Variants in SENP2 observed in about 807,000 individuals in gnomAD.
SENP2 encodes the protein SUMO specific peptidase 2.
SENP2 carries 16 observed loss-of-function variants against 86.3 expected under a neutral mutation model. The ratio of observed to expected loss-of-function variants is 0.19; its 90% CI spans 0.13 to 0.28. The LOEUF (loss-of-function observed/expected upper bound fraction) is 0.28, where lower values mean the gene tolerates loss of function less well. Among genes scored for constraint, SENP2 ranks in the 10% least tolerant of loss-of-function variants. The pLI is 1.00. For missense variants in SENP2, 552 were observed against 703.0 expected, an observed-to-expected ratio of 0.79 and a Z score of 2.43; for synonymous variants, 222 against 238.7, an observed-to-expected ratio of 0.93 and a Z score of 0.64.
chr3:185,625,667 C>A (rs1450511787), intron 15 of SENP2, among the ~76,000 whole-genome samples: 1 of 152,152 alleles, frequency 6.6e-6, no homozygotes, highest in African/African-American at 2.4e-5. Flanking sequence ...CAGAACTGAT[C>A]CATCAAGGCA....
rs71627028 is a variant in SENP2 at position 185,632,237 on chromosome 3, G to GTTTTTTTTTTTTTTTTTTTTTTTTTTTT, written c.*2411_*2412insTTTTTTTTTTTTTTTTTTTTTTTTTTTT. The GTTTTTTTTTTTTTTTTTTTTTTTTTTTT allele has an allele frequency of 2.2e-4, 14 of 63,454 alleles. No homozygotes were observed. Among genetic ancestry groups the GTTTTTTTTTTTTTTTTTTTTTTTTTTTT allele is most frequent in the African/African-American group, 4.8e-4 (7 of 14,516 alleles). The allele number at this position is 63,454 out of a possible 1,614,324, so 3.9% of individuals were successfully genotyped here. On this transcript the variant is annotated 3_prime_UTR_variant, in exon 17 of 17. Transcript: ENST00000296257. ...GGTTTTTTTTTTGTTTTTTTTTTTT[G>GTTTTTTTTTTTTTTTTTTTTTTTTTTTT]TTTTTTTTTTTTTTTTTTGCGACAG...
chr3:185,599,078 T>C, intron 4 of SENP2, 54 bp downstream of exon 4: 1 of 1,288,244 alleles, frequency 7.8e-7, no homozygotes, highest in Non-Finnish European at 1.1e-6. Context: ...GCCCATTTTT[T>C]TCCTACATTT....
rs1721785374 is a variant in SENP2, at chr3:185,586,470, G to A, written c.57G>A (p.Ser19=). Reference sequence around the variant, plus strand: ...CCATTTTCCGTTTCTGCGACCGGTCGGTGCCCCCTGCCCGGGCCCTCCTGA... The same window carrying A: ...CCATTTTCCGTTTCTGCGACCGGTCAGTGCCCCCTGCCCGGGCCCTCCTGA... ...LGTIFRFCDR[S]VPPARALLKR... is the part of the protein sequence containing the mutation. Residue 19 remains serine (S), a synonymous_variant, in exon 1 of 17, where the codon TCG becomes TCA. Coordinates refer to ENST00000296257, the MANE Select transcript of SENP2 (RefSeq NM_021627.3). This position sits in a 1 kb window ranked among gnomAD's most constrained non-coding sequence, Gnocchi z 4.3. The A allele has an allele frequency of 6.2e-7, 1 of 1,613,804 alleles. No homozygotes were observed. Among genetic ancestry groups the A allele is most frequent in the South Asian group, 1.1e-5 (1 of 91,092 alleles).
intron 12 of SENP2, among the ~76,000 whole-genome samples, chr3:185,617,971 T>C (rs1711684935): frequency 6.6e-6 from 1 of 152,130 alleles, no homozygotes; most frequent in African/African-American, 2.4e-5. Context: ...TGAGACAGAG[T>C]TTTGCTCTTG....
At chr3:185,590,056 C>G (rs577378006) in intron 1 of SENP2, 58 bp from the exon 2 acceptor site, 202 of 969,248 alleles carry the variant, frequency 2.1e-4, no homozygotes, top group Middle Eastern at 3.2e-4. Context: ...AGTTTACTTA[C>G]AGAAATGAAT....
intron 1 of SENP2, among the ~76,000 whole-genome samples, chr3:185,587,783 G>C (rs1382905169): frequency 7.4e-6 from 1 of 134,962 alleles, no homozygotes. Flanking sequence ...TGCCCAGGCT[G>C]AAGTGCGGTG....
At chr3:185,600,065 G>C (rs1428224938) in intron 4 of SENP2, among the ~76,000 whole-genome samples, 1 of 152,130 alleles carries the variant, frequency 6.6e-6, no homozygotes, top group Non-Finnish European at 1.5e-5. Flanking sequence ...CCAAAGTGCT[G>C]GGATTACAGG....
At position 185,586,337 on chromosome 3, in the gene SENP2, G is replaced by C; in HGVS notation, c.-77G>C. 1 of 1,594,852 alleles carries C rather than the reference G, an allele frequency of 6.3e-7. No individual in the cohort carries two copies. Among genetic ancestry groups the C allele is most frequent in the South Asian group, 1.1e-5 (1 of 90,034 alleles). On this transcript the variant is annotated 5_prime_UTR_variant, in exon 1 of 17. Transcript: ENST00000296257. This position sits in a 1 kb window ranked among gnomAD's most constrained non-coding sequence, Gnocchi z 4.3. ...CTCTGGCGGTGGTGGTTAAGACGGC[G>C]AAGGCGGCAGCGGCGGCGACAGCTC...
At chr3:185,587,533 T>C (rs1332896682) in intron 1 of SENP2, among the ~76,000 whole-genome samples, 2 of 150,880 alleles carry the variant, frequency 1.3e-5, no homozygotes, top group Admixed American at 1.3e-4. Flanking sequence ...CTATACAAAT[T>C]CTATGCCCCC....
At chr3:185,588,207 G>A (rs1356687825) in intron 1 of SENP2, among the ~76,000 whole-genome samples, 1 of 151,144 alleles carries the variant, frequency 6.6e-6, no homozygotes, top group Non-Finnish European at 1.5e-5. Flanking sequence ...ACAGGCGCCC[G>A]CCACCACGCC....
At chr3:185,622,450 C>G (rs971471962) in intron 14 of SENP2, among the ~76,000 whole-genome samples, 12 of 152,178 alleles carry the variant, frequency 7.9e-5, no homozygotes, top group Non-Finnish European at 1.0e-4. Flanking sequence ...CTTTTCTGCT[C>G]ACTAGAAGCA....
chr3:185,612,452 C>A, intron 8 of SENP2, 155 bp from the exon 9 acceptor site: 1 of 564,338 alleles, frequency 1.8e-6, no homozygotes. Context: ...TTTTAGGCAA[C>A]TTAGTATATA....
At chr3:185,614,774 A>G in intron 11 of SENP2, 34 bp downstream of exon 11, 1 of 1,586,188 alleles carries the variant, frequency 6.3e-7, no homozygotes, top group Non-Finnish European at 8.6e-7. Context: ...AAAAAGAGGC[A>G]TGTCTTTAAA....
chr3:185,618,001 A>G (rs1711686582), intron 12 of SENP2, among the ~76,000 whole-genome samples: 1 of 152,042 alleles, frequency 6.6e-6, no homozygotes, highest in Admixed American at 6.6e-5. Context: ...CTGGAGTGCA[A>G]TGGCGCAATC....
intron 2 of SENP2, among the ~76,000 whole-genome samples, chr3:185,598,045 C>T (rs1238726889): frequency 3.3e-5 from 5 of 152,088 alleles, no homozygotes; most frequent in African/African-American, 4.8e-5. Context: ...CAGAGTCTCA[C>T]TCTGTTGCCC....
chr3:185,592,472 G>T (rs1289727892), intron 2 of SENP2, among the ~76,000 whole-genome samples: 1 of 152,012 alleles, frequency 6.6e-6, no homozygotes, highest in Non-Finnish European at 1.5e-5. Flanking sequence ...TATAAATTTG[G>T]GTCTACCTCC....
intron 16 of SENP2, among the ~76,000 whole-genome samples, chr3:185,628,362 C>G (rs1257104459): frequency 1.3e-5 from 2 of 152,286 alleles, no homozygotes. Flanking sequence ...GTCTTGAACT[C>G]CTGACCTCAG....
chr3:185,617,002 A>G (rs1196407917), intron 11 of SENP2, among the ~76,000 whole-genome samples: 2 of 152,194 alleles, frequency 1.3e-5, no homozygotes, highest in East Asian at 3.8e-4. Flanking sequence ...CAAGCATCTA[A>G]CACCATGTTT....
chr3:185,613,499 A>G, intron 10 of SENP2, 91 bp downstream of exon 10: 2 of 748,162 alleles, frequency 2.7e-6, no homozygotes, highest in Non-Finnish European at 2.2e-6. Context: ...GTATATATAT[A>G]TAACTTTGAT....
Sources: gnomAD v4.1 joint callset for allele counts (sites outside exome capture counted in the v4.1 genomes callset) on GRCh38, gnomAD v4.1.1 for gene constraint, Gnocchi (gnomAD v3.1) non-coding constraint, MANE v1.5 for transcripts, NCBI Gene and HGNC (gene_info 2026-07-23, HGNC 2026-07-21) for gene names.